The following MTSS2 variants were observed in gnomAD, a reference collection of about 807,000 sequenced individuals.
MTSS2 encodes MTSS I-BAR domain containing 2, also known as protein MTSS 2.
MTSS2 carries 27 observed loss-of-function variants against 67.1 expected under a neutral mutation model. That is an observed-to-expected ratio of 0.40 (90% confidence interval 0.30 to 0.55). MTSS2 has a LOEUF of 0.55. MTSS2 is among the 20% of genes least tolerant of loss of function. MTSS2 has a pLI of 0.43. For missense variants in MTSS2, 1,171 were observed against 1,067.8 expected (o/e 1.10, Z -1.35); for synonymous variants, 624 against 468.6 (o/e 1.33, Z -4.28).
intron 11 of MTSS2, among the ~76,000 whole-genome samples, chr16:70,669,836 AAGGTGTT>A (rs1476686719): frequency 2.7e-5 from 4 of 145,618 alleles, no homozygotes; most frequent in Non-Finnish European, 6.1e-5. Flanking sequence ...AAAGTATGAA[AAGGTGTT>A]CAATCTCATT....
Position 70,674,421 on chromosome 16 carries a change from GGCT to G in MTSS2, c.935_937del (p.Gln312del), listed in dbSNP as rs751273440. The G allele has an allele frequency of 6.2e-7, 1 of 1,614,176 alleles. No homozygotes were observed. The highest frequency in any genetic ancestry group is 1.1e-5 in the South Asian group (1 of 91,082). Reference sequence around the variant, plus strand: ...GGAGAGGCGAGCGGTGGTGGTGGCTGGCTGCGCCAGGCTGCGGTAGCGACAGGT... The same window carrying G: ...GGAGAGGCGAGCGGTGGTGGTGGCTGGCGCCAGGCTGCGGTAGCGACAGGT... On this transcript the variant is annotated inframe_deletion, in exon 11 of 15. Transcript: ENST00000338779.
At chr16:70,666,508 C>T (rs528311505) in intron 11 of MTSS2, among the ~76,000 whole-genome samples, 27 of 152,312 alleles carry the variant, frequency 1.8e-4, no homozygotes, top group Admixed American at 4.6e-4. Flanking sequence ...GCAGTGGGGA[C>T]GTGGATCACG....
At chr16:70,680,686 T>G in intron 3 of MTSS2, 108 bp downstream of exon 3, 1 of 990,032 alleles carries the variant, frequency 1.0e-6, no homozygotes, top group Non-Finnish European at 1.5e-6. Context: ...GAACTCAAGG[T>G]TCTGGGCTTG....
intron 1 of MTSS2, among the ~76,000 whole-genome samples, chr16:70,683,731 C>T (rs1318342591): frequency 6.6e-6 from 1 of 152,124 alleles, no homozygotes; most frequent in Non-Finnish European, 1.5e-5. Flanking sequence ...GGGGTGGCCT[C>T]ACGGGGCAAG....
At position 70,661,228 on chromosome 16, in the gene MTSS2, A is replaced by G. The variant is rs957162677; in HGVS notation, c.*2449T>C. 1 of 455,280 alleles carries G rather than the reference A, an allele frequency of 2.2e-6. No homozygotes were observed. Among genetic ancestry groups the G allele is most frequent in the East Asian group, 7.0e-5 (1 of 14,332 alleles). 28.2% of individuals were successfully genotyped at this position (455,280 alleles called of 1,614,324 possible). On this transcript the variant is annotated 3_prime_UTR_variant, in exon 15 of 15. Transcript: ENST00000338779. ...GTGTTAATTACAGTACACCTTTATT[A>G]ATACTGGAATCTTCACAGTGCATCT...
At position 70,663,387 on chromosome 16, in the gene MTSS2, T is replaced by G. The variant is rs888470135; in HGVS notation, c.*290A>C. 24 of 426,296 alleles carry G rather than the reference T, an allele frequency of 5.6e-5. No homozygotes were observed. Among genetic ancestry groups the G allele is most frequent in the African/African-American group, 6.3e-5 (3 of 47,644 alleles). 26.4% of individuals were successfully genotyped at this position (426,296 alleles called of 1,614,324 possible). A position where few individuals can be genotyped will look rare whatever the true frequency, so the allele number is the denominator to read the frequency against. On this transcript the variant is annotated 3_prime_UTR_variant, in exon 15 of 15. Coordinates refer to ENST00000338779, the MANE Select transcript of MTSS2 (RefSeq NM_138383.3). ...GCAGCGGCCCTGGCTCTGGTGCTTATGGGTAGGGAAGAGGCAGGGCCCCAG... is the reference window on the plus strand; with the variant it reads ...GCAGCGGCCCTGGCTCTGGTGCTTAGGGGTAGGGAAGAGGCAGGGCCCCAG...
rs2053421108 is a variant in MTSS2 at position 70,685,421 on chromosome 16, C to T, written c.69+302G>A. The stretch of plus-strand genomic sequence containing the variant: ...AAGGGCCCTAGAGTCGGTCCTGGAT[C>T]CAAACCCCATTCATGGTTTGGCGGT... On this transcript the variant is annotated intron_variant, in intron 1 of 14. Coordinates refer to ENST00000338779, the MANE Select transcript of MTSS2 (RefSeq NM_138383.3). 2.6e-5 allele frequency among the ~76,000 whole-genome samples: 4 copies of T among 152,208 alleles called. No homozygotes were observed. The South Asian group carries it at 8.3e-4, about 31-fold the overall frequency.
chr16:70,672,127 C>T (rs943089862), intron 11 of MTSS2, among the ~76,000 whole-genome samples: 55 of 152,118 alleles, frequency 3.6e-4, no homozygotes, highest in Non-Finnish European at 2.1e-4. Flanking sequence ...GTGGGCAGAT[C>T]ACCTGAGGTC....
In MTSS2 at chr16:70,661,508, T is replaced by A. The variant is rs942693810; in HGVS notation, c.*2169A>T. 6 of 349,684 alleles carry A rather than the reference T, an allele frequency of 1.7e-5. No individual in the cohort carries two copies. Among genetic ancestry groups the A allele is most frequent in the Non-Finnish European group, 3.4e-5 (6 of 177,382 alleles). 21.7% of individuals were successfully genotyped at this position (349,684 alleles called of 1,614,324 possible). A position where few individuals can be genotyped will look rare whatever the true frequency, so the allele number is the denominator to read the frequency against. ...AGTCAAAAGACGCTTTTGAAAAGAA[T>A]ATTTCTCCGTACAAAATGAGAAATT... On this transcript the variant is annotated 3_prime_UTR_variant, in exon 15 of 15. Coordinates refer to ENST00000338779, the MANE Select transcript of MTSS2 (RefSeq NM_138383.3).
chr16:70,679,884 AG>A lies in MTSS2; in HGVS notation c.291-8del. The A allele has an allele frequency of 1.3e-6, 2 of 1,593,304 alleles. No individual in the cohort carries two copies. The highest frequency in any genetic ancestry group is 8.5e-7 in the Non-Finnish European group (1 of 1,176,456). ...GAGGCTCTCCAGCAGTGCGCTGCGG[AG>A]GGCGGGCGGGAGCGCAGGTCAGGGC... is the stretch of plus-strand genomic sequence containing the variant. On this transcript the variant is annotated splice_polypyrimidine_tract_variant and splice_region_variant and intron_variant, in intron 4 of 14. Coordinates refer to ENST00000338779, the MANE Select transcript of MTSS2 (RefSeq NM_138383.3).
At chr16:70,676,229 G>C (rs116735254) in intron 10 of MTSS2, among the ~76,000 whole-genome samples, 3 of 152,198 alleles carry the variant, frequency 2.0e-5, no homozygotes, top group African/African-American at 7.2e-5. Flanking sequence ...CCCAGCCCCA[G>C]TGCCCAGCCA....
At chr16:70,676,765 A>C (rs867698505) in intron 10 of MTSS2, 116 bp downstream of exon 10, 1 of 833,520 alleles carries the variant, frequency 1.2e-6, no homozygotes, top group Non-Finnish European at 2.0e-6. Context: ...CGGATGGTGT[A>C]AAAGTTGTGA....
intron 1 of MTSS2, among the ~76,000 whole-genome samples, chr16:70,683,175 G>A (rs2053352926): frequency 6.6e-6 from 1 of 152,234 alleles, no homozygotes. Flanking sequence ...TTCAGATGTG[G>A]AGTGTGGGTG....
intron 11 of MTSS2, among the ~76,000 whole-genome samples, chr16:70,666,386 C>G (rs2151912360): frequency 6.6e-6 from 1 of 152,306 alleles, no homozygotes; most frequent in Non-Finnish European, 1.5e-5. Flanking sequence ...AGGCCCCCCA[C>G]TCCTAAACAA....
At chr16:70,679,254 G>A (rs1432585343) in intron 7 of MTSS2, 61 bp downstream of exon 7, 4 of 1,600,158 alleles carry the variant, frequency 2.5e-6, no homozygotes, top group Non-Finnish European at 3.4e-6. Flanking sequence ...CTGAGCTGGG[G>A]GAGACAGACA....
intron 10 of MTSS2, 137 bp downstream of exon 10, chr16:70,676,744 T>C (rs1482174093): frequency 1.1e-5 from 8 of 706,226 alleles, no homozygotes; most frequent in Non-Finnish European, 2.0e-5. Flanking sequence ...CCTCTACATA[T>C]GCAAATTCCT....
chr16:70,663,764 C>A lies in MTSS2; in HGVS notation c.2157G>T (p.Pro719=). ...TPPPAATSDP[P]AEDMLVAIRR... ...GGATGGCCACCAGCATGTCTTCGGC[C>A]GGGGGGTCGCTGGTGGCGGCTGGGG... The change falls in exon 15 of 15, where the codon CCG becomes CCT. Residue 719 remains proline (P), a synonymous_variant. Coordinates refer to ENST00000338779, the MANE Select transcript of MTSS2 (RefSeq NM_138383.3). 1 of 1,537,686 alleles carries A rather than the reference C, an allele frequency of 6.5e-7. No homozygotes were observed. The highest frequency in any genetic ancestry group is 8.7e-7 in the Non-Finnish European group (1 of 1,144,646).
chr16:70,679,553 T>A, intron 6 of MTSS2, 77 bp downstream of exon 6: 1 of 1,441,364 alleles, frequency 6.9e-7, no homozygotes, highest in Non-Finnish European at 9.4e-7. Flanking sequence ...GATGAAGGCT[T>A]TGGGGCGCCC....
At chr16:70,671,040 C>T (rs2052918069) in intron 11 of MTSS2, among the ~76,000 whole-genome samples, 1 of 146,528 alleles carries the variant, frequency 6.8e-6, no homozygotes, top group Non-Finnish European at 1.5e-5. Context: ...TGTGTAGTGA[C>T]TTAACAGAGC....
Sources: allele counts gnomAD v4.1 joint callset (sites outside exome capture counted in the v4.1 genomes callset), GRCh38; gene constraint gnomAD v4.1.1; transcripts MANE v1.5; gene names NCBI Gene and HGNC (gene_info 2026-07-23, HGNC 2026-07-21).